XKR9: variants seen among roughly 807,000 people sequenced by gnomAD.
XKR9 encodes the protein XK related 9, also known as XK-related protein 9.
A neutral mutation model predicts 32.0 loss-of-function variants in XKR9; 32 were observed. The ratio of observed to expected loss-of-function variants is 1.00; its 90% CI spans 0.76 to 1.34. XKR9 has a LOEUF of 1.34. XKR9 is among the 40% of genes most tolerant of loss of function. XKR9 has a pLI of 0.00. For synonymous variants in XKR9, 168 were observed against 143.4 expected (o/e 1.17, Z -1.22); for missense variants, 546 against 429.7 (o/e 1.27, Z -2.39).
the XKR9 span, among the ~76,000 whole-genome samples, chr8:70,878,267 C>T: frequency 9.2e-5 from 14 of 152,168 alleles, no homozygotes; most frequent in African/African-American, 2.2e-4. Flanking sequence ...AAATAACCAG[C>T]GAACATCATA....
the XKR9 span, among the ~76,000 whole-genome samples, chr8:70,977,542 GT>G: frequency 2.0e-5 from 3 of 152,214 alleles, no homozygotes; most frequent in African/African-American, 7.2e-5. Context: ...TAATTGTGCA[GT>G]TTTGAGTGAG....
At chr8:70,888,240 CT>C in the XKR9 span, among the ~76,000 whole-genome samples, 1 of 151,340 alleles carries the variant, frequency 6.6e-6, no homozygotes, top group African/African-American at 2.4e-5. Flanking sequence ...ATTTGTGTAT[CT>C]TTTTTTGAGC....
At chr8:70,806,631 C>T in the XKR9 span, among the ~76,000 whole-genome samples, 5 of 151,922 alleles carry the variant, frequency 3.3e-5, no homozygotes, top group Non-Finnish European at 7.4e-5. Flanking sequence ...ACACAAGTAT[C>T]AATAGCTGAA....
At chr8:70,698,550 C>G (rs556250510) in intron 3 of XKR9, among the ~76,000 whole-genome samples, 58 of 152,216 alleles carry the variant, frequency 3.8e-4, no homozygotes, top group African/African-American at 1.3e-3. Flanking sequence ...GTCTGAGAGA[C>G]AGTTTGTTGT....
chr8:70,712,799 T>C (rs1215799257), intron 4 of XKR9, among the ~76,000 whole-genome samples: 2 of 152,158 alleles, frequency 1.3e-5, no homozygotes, highest in Admixed American at 1.3e-4. Context: ...AGACTGATAG[T>C]ACCCCTACAT....
At chr8:71,025,180 G>C in the XKR9 span, among the ~76,000 whole-genome samples, 1 of 152,196 alleles carries the variant, frequency 6.6e-6, no homozygotes. Flanking sequence ...TGATTACAGA[G>C]CTCTTTTATT....
the XKR9 span, among the ~76,000 whole-genome samples, chr8:71,033,385 T>C: frequency 6.6e-6 from 1 of 152,230 alleles, no homozygotes; most frequent in Non-Finnish European, 1.5e-5. Context: ...GAATTCATAG[T>C]AAGTACTCAG....
the XKR9 span, among the ~76,000 whole-genome samples, chr8:70,823,172 A>C: frequency 6.6e-6 from 1 of 152,214 alleles, no homozygotes; most frequent in Non-Finnish European, 1.5e-5. Flanking sequence ...GGAGTTGTTG[A>C]CTTTGTCTCC....
At chr8:71,028,360 A>T in the XKR9 span, among the ~76,000 whole-genome samples, 7 of 151,920 alleles carry the variant, frequency 4.6e-5, no homozygotes, top group Non-Finnish European at 1.0e-4. Context: ...TCCTATTCAG[A>T]TAGTTTGTTA....
the XKR9 span, among the ~76,000 whole-genome samples, chr8:70,888,968 T>G: frequency 1.3e-5 from 2 of 152,106 alleles, no homozygotes; most frequent in East Asian, 3.9e-4. Flanking sequence ...ATTTTAGAAT[T>G]TTTTCAATTT....
At chr8:70,999,834 C>A in the XKR9 span, among the ~76,000 whole-genome samples, 48,474 of 152,026 alleles carry the variant, frequency 0.32, 9,062 homozygotes, top group Non-Finnish European at 0.43. Flanking sequence ...ATAGCCACGG[C>A]ATTTATTTAC....
At chr8:70,785,324 G>A (rs960396036) in intron 2 of XKR9, among the ~76,000 whole-genome samples, 4 of 151,662 alleles carry the variant, frequency 2.6e-5, no homozygotes, top group Admixed American at 6.6e-5. Context: ...TCCTATGATC[G>A]TTTTTATTTC....
At chr8:70,706,785 A>G in intron 3 of XKR9, 148 bp from the exon 4 acceptor site, 1 of 633,688 alleles carries the variant, frequency 1.6e-6, no homozygotes, top group South Asian at 2.2e-5. Flanking sequence ...CCACTATGAG[A>G]TGTTCACAAA....
the XKR9 span, among the ~76,000 whole-genome samples, chr8:70,945,803 A>C: frequency 6.6e-6 from 1 of 152,206 alleles, no homozygotes; most frequent in Non-Finnish European, 1.5e-5. Flanking sequence ...TGGAGGCTGC[A>C]GCCAGCAGCC....
chr8:70,800,108 A>G, the XKR9 span, among the ~76,000 whole-genome samples: 21 of 152,290 alleles, frequency 1.4e-4, no homozygotes, highest in South Asian at 3.7e-3. Flanking sequence ...TTCTGCATCT[A>G]TTGAGATAAT....
chr8:70,939,169 C>T, the XKR9 span, among the ~76,000 whole-genome samples: 13 of 152,106 alleles, frequency 8.5e-5, no homozygotes, highest in African/African-American at 3.1e-4. Context: ...AGAATAGTCT[C>T]ATGAAAGATT....
the XKR9 span, among the ~76,000 whole-genome samples, chr8:71,050,550 G>C: frequency 6.6e-6 from 1 of 152,052 alleles, no homozygotes; most frequent in Non-Finnish European, 1.5e-5. Context: ...TTGGAGTAAG[G>C]TGGAGGAATA....
chr8:71,016,220 T>C, the XKR9 span, among the ~76,000 whole-genome samples: 5 of 152,204 alleles, frequency 3.3e-5, no homozygotes, highest in Admixed American at 3.3e-4. Context: ...TTGCTTCCAT[T>C]ATATTGGCAA....
chr8:70,852,089 A>G, the XKR9 span, among the ~76,000 whole-genome samples: 83 of 152,362 alleles, frequency 5.4e-4, no homozygotes, highest in Middle Eastern at 3.4e-3. Flanking sequence ...ATTTACAAGA[A>G]AAAAACAAAC....
Sources: gnomAD v4.1 joint callset for allele counts (sites outside exome capture counted in the v4.1 genomes callset) on GRCh38, gnomAD v4.1.1 for gene constraint, MANE v1.5 for transcripts, NCBI Gene and HGNC (gene_info 2026-07-23, HGNC 2026-07-21) for gene names.